Variants in PPP1R12B observed in about 807,000 individuals in gnomAD.
The protein encoded by PPP1R12B is myosin phosphatase target subunit 2.
Under a neutral mutation model 126.1 loss-of-function variants are expected in PPP1R12B, and 76 were observed. The ratio of observed to expected loss-of-function variants is 0.60; its 90% CI spans 0.50 to 0.73. PPP1R12B has a LOEUF of 0.73. Ranked by LOEUF, PPP1R12B falls within the 30% of genes least tolerant of loss-of-function variation. The pLI is 0.00. For missense variants in PPP1R12B, 1,052 were observed against 1,205.1 expected (o/e 0.87, Z 1.88); for synonymous variants, 356 against 434.7 (o/e 0.82, Z 2.25).
At chr1:202,353,575 A>ATTC (rs1174573605) in intron 1 of PPP1R12B, among the ~76,000 whole-genome samples, 17 of 123,668 alleles carry the variant, frequency 1.4e-4, no homozygotes, top group South Asian at 5.2e-4. Flanking sequence ...TTTCTTCCCT[A>ATTC]TTCTTCTTCT....
At chr1:202,532,380 GC>G (rs1684048354) in intron 18 of PPP1R12B, among the ~76,000 whole-genome samples, 1 of 152,120 alleles carries the variant, frequency 6.6e-6, no homozygotes, top group Non-Finnish European at 1.5e-5. Context: ...GACTGAGAAT[GC>G]CTTAACCTCT....
intron 13 of PPP1R12B, among the ~76,000 whole-genome samples, chr1:202,481,285 T>G (rs1321943167): frequency 1.3e-5 from 2 of 152,206 alleles, no homozygotes; most frequent in African/African-American, 4.8e-5. Flanking sequence ...TAACCACCAC[T>G]TGTGTTGGTG....
At position 202,524,105 on chromosome 1, in the gene PPP1R12B, C is replaced by T. The variant is rs114125316; in HGVS notation, c.2490+27283C>T. On this transcript the variant is annotated intron_variant, in intron 18 of 23. Transcript: ENST00000608999. ...GCAGCTGAGCAGCTATTTCAGTAAT[C>T]CAGGCAAGAAATGATGACAGGGGCT... is the stretch of plus-strand genomic sequence containing the variant. Among the ~76,000 whole-genome samples, 1,060 of 152,248 alleles carry T rather than the reference C, an allele frequency of 7.0e-3. 12 individuals carry two copies. The highest frequency in any genetic ancestry group is 0.025 in the African/African-American group (1,018 of 41,524).
intron 1 of PPP1R12B, among the ~76,000 whole-genome samples, chr1:202,386,023 T>C (rs1416735483): frequency 1.3e-4 from 19 of 151,508 alleles, no homozygotes; most frequent in Admixed American, 1.1e-3. Context: ...AAGCTCCACC[T>C]CCCGGGTTCA....
At chr1:202,551,614 A>G (rs1263999031) in intron 18 of PPP1R12B, among the ~76,000 whole-genome samples, 1 of 152,140 alleles carries the variant, frequency 6.6e-6, no homozygotes, top group Admixed American at 6.6e-5. Flanking sequence ...GAACCCACGT[A>G]TATGACAAGA....
chr1:202,550,686 C>G (rs564550959), intron 18 of PPP1R12B, among the ~76,000 whole-genome samples: 1 of 152,104 alleles, frequency 6.6e-6, no homozygotes, highest in Non-Finnish European at 1.5e-5. Context: ...AGAAATGTGA[C>G]CCATGTGCTA....
chr1:202,563,038 AG>A, intron 20 of PPP1R12B, 116 bp downstream of exon 20: 1 of 1,189,622 alleles, frequency 8.4e-7, no homozygotes, highest in Non-Finnish European at 1.1e-6. Flanking sequence ...AAGGCACTTA[AG>A]TAATAATAAT....
Position 202,565,429 on chromosome 1 carries a change from A to G in PPP1R12B, c.2757+882A>G, listed in dbSNP as rs1011635624. Among the ~76,000 whole-genome samples the G allele has an allele frequency of 5.3e-5, 8 of 152,246 alleles. No homozygotes were observed. Among genetic ancestry groups the G allele is most frequent in the African/African-American group, 1.9e-4 (8 of 41,470 alleles). On this transcript the variant is annotated intron_variant, in intron 21 of 23. Coordinates refer to ENST00000608999, the MANE Select transcript of PPP1R12B (RefSeq NM_002481.4). This position sits in a 1 kb window ranked among gnomAD's most constrained non-coding sequence, Gnocchi z 4.3. ...TTCTGGCAATATGACTGGCTATCCA[A>G]AAGCAAAGACTAAAATGCTAGGGTT...
At chr1:202,385,033 T>G (rs564950359) in intron 1 of PPP1R12B, among the ~76,000 whole-genome samples, 1 of 152,372 alleles carries the variant, frequency 6.6e-6, no homozygotes, top group East Asian at 1.9e-4. Flanking sequence ...AAGAGTGTGA[T>G]GCTATTTGCA....
Position 202,382,781 on chromosome 1 carries a change from C to T in PPP1R12B, c.291+33639C>T, listed in dbSNP as rs1468630539. On this transcript the variant is annotated intron_variant, in intron 1 of 23. Transcript: ENST00000608999. ...ATCCTAGCTGCTCGGGAGGCTGAGG[C>T]AGGAGAATATCTTGAACCCTGGAGC... Among the ~76,000 whole-genome samples, 4 of 151,226 alleles carry T rather than the reference C, an allele frequency of 2.6e-5. No homozygotes were observed. The East Asian group carries it at 7.8e-4, about 29-fold the overall frequency.
At chr1:202,386,483 C>T (rs2148506703) in intron 1 of PPP1R12B, among the ~76,000 whole-genome samples, 1 of 152,248 alleles carries the variant, frequency 6.6e-6, no homozygotes, top group Admixed American at 6.5e-5. Flanking sequence ...AGGTGCCCGC[C>T]ACTGTGCCCA....
At chr1:202,567,146 G>T (rs1236119004) in intron 21 of PPP1R12B, among the ~76,000 whole-genome samples, 1 of 152,084 alleles carries the variant, frequency 6.6e-6, no homozygotes, top group East Asian at 1.9e-4. Flanking sequence ...TTATCTGGAA[G>T]CCCAATATAT....
chr1:202,548,408 T>G (rs974239299), intron 18 of PPP1R12B, among the ~76,000 whole-genome samples: 1 of 152,168 alleles, frequency 6.6e-6, no homozygotes, highest in Non-Finnish European at 1.5e-5. Flanking sequence ...TCACCCAGGC[T>G]GGAGTGCAGT....
At chr1:202,372,404 C>T (rs1011243671) in intron 1 of PPP1R12B, among the ~76,000 whole-genome samples, 3 of 151,504 alleles carry the variant, frequency 2.0e-5, no homozygotes, top group African/African-American at 4.9e-5. Flanking sequence ...CTCAGGAGTC[C>T]GAGGAGGGAA....
At chr1:202,399,758 AG>A (rs1665545271) in intron 1 of PPP1R12B, among the ~76,000 whole-genome samples, 1 of 152,154 alleles carries the variant, frequency 6.6e-6, no homozygotes, top group Admixed American at 6.5e-5. Flanking sequence ...AGCCTCCCAA[AG>A]TGCTGGGATT....
intron 1 of PPP1R12B, among the ~76,000 whole-genome samples, chr1:202,395,438 CA>C (rs1417527241): frequency 6.6e-6 from 1 of 152,204 alleles, no homozygotes; most frequent in African/African-American, 2.4e-5. Context: ...ACTTAGCTCA[CA>C]ACTTACTCTC....
chr1:202,448,837 C>T, intron 12 of PPP1R12B, 152 bp from the exon 13 acceptor site: 2 of 795,784 alleles, frequency 2.5e-6, no homozygotes, highest in Non-Finnish European at 4.0e-6. Context: ...CTATTCCAAG[C>T]TGTAAGAGCT....
rs781092613 is a variant in PPP1R12B, at chr1:202,493,115, G to A, written c.1943G>A (p.Gly648Asp). The change falls in exon 15 of 24, where the codon GGT (glycine) becomes GAT (aspartate). Residue 648 changes from glycine (G) to aspartate (D), a missense_variant and splice_region_variant. Physicochemically the swap from Gly to Asp is moderately conservative, Grantham distance 94. Transcript: ENST00000608999. ...QARQTRRSTQGVTLTDLQEAE... is the reference protein window; with the variant it reads ...QARQTRRSTQDVTLTDLQEAE... ...CCTGATCTTGTGATATTTTCCCAGG[G>A]TGTCACCCTAACAGACCTTCAAGAA... is the stretch of plus-strand genomic sequence containing the variant. The A allele has an allele frequency of 1.9e-6, 3 of 1,611,748 alleles. No individual in the cohort carries two copies. Among genetic ancestry groups the A allele is most frequent in the Non-Finnish European group, 1.7e-6 (2 of 1,179,668 alleles).
In PPP1R12B at chr1:202,352,737, A is replaced by G. The variant is rs186432146; in HGVS notation, c.291+3595A>G. ...TCCCGTCTCTACTAAAAATACAAAA[A>G]TTAGCCTGGTGTGGTGGTGCACACC... is the stretch of plus-strand genomic sequence containing the variant. On this transcript the variant is annotated intron_variant, in intron 1 of 23. Transcript: ENST00000608999. Among the ~76,000 whole-genome samples, 6 of 152,090 alleles carry G rather than the reference A, an allele frequency of 3.9e-5. No homozygotes were observed. In the East Asian group the frequency reaches 1.2e-3, roughly 29 times the overall value.
Sources: gnomAD v4.1 joint callset for allele counts (sites outside exome capture counted in the v4.1 genomes callset) on GRCh38, gnomAD v4.1.1 for gene constraint, Gnocchi (gnomAD v3.1) non-coding constraint, MANE v1.5 for transcripts, NCBI Gene and HGNC (gene_info 2026-07-23, HGNC 2026-07-21) for gene names.